The following TRPV4 variants were observed in gnomAD, a reference collection of about 807,000 sequenced individuals.
TRPV4 encodes transient receptor potential cation channel subfamily V member 4, also known as OSM9-like transient receptor potential channel 4.
In TRPV4, 58 loss-of-function variants were observed where a neutral mutation model predicts 84.1. The observed-to-expected ratio is 0.69, with a 90% CI of 0.56 to 0.86. The LOEUF (loss-of-function observed/expected upper bound fraction) is 0.86. Ranked by LOEUF, TRPV4 falls within the 40% of genes least tolerant of loss-of-function variation. TRPV4 has a pLI of 0.00. For synonymous variants in TRPV4, 489 were observed against 500.9 expected (o/e 0.98, Z 0.32); for missense variants, 879 against 1,181.1 (o/e 0.74, Z 3.75).
intron 1 of TRPV4, among the ~76,000 whole-genome samples, chr12:109,816,463 C>A (rs1446548207): frequency 1.3e-5 from 2 of 152,158 alleles, no homozygotes; most frequent in African/African-American, 4.8e-5. Flanking sequence ...TCAGATATAT[C>A]CAGTGCCACT....
At chr12:109,822,856 T>G (rs1476403694) in intron 1 of TRPV4, among the ~76,000 whole-genome samples, 2 of 152,216 alleles carry the variant, frequency 1.3e-5, no homozygotes, top group African/African-American at 4.8e-5. Flanking sequence ...CAGTGCCTGG[T>G]ACAGAGCATG....
At chr12:109,789,523 A>T (rs1412919092) in intron 12 of TRPV4, among the ~76,000 whole-genome samples, 1 of 152,144 alleles carries the variant, frequency 6.6e-6, no homozygotes, top group African/African-American at 2.4e-5. Flanking sequence ...GTGTTCTCTA[A>T]GGGGCCTCTC....
intron 12 of TRPV4, among the ~76,000 whole-genome samples, chr12:109,791,250 G>A (rs1890009881): frequency 6.6e-6 from 1 of 152,084 alleles, no homozygotes; most frequent in Admixed American, 6.5e-5. Context: ...ATGCGTGGTG[G>A]CACACGCCTG....
intron 12 of TRPV4, among the ~76,000 whole-genome samples, chr12:109,791,029 G>C (rs1889991411): frequency 6.6e-6 from 1 of 152,174 alleles, no homozygotes; most frequent in African/African-American, 2.4e-5. Flanking sequence ...GAGCCTGTAG[G>C]GATCAGCCAA....
Position 109,796,685 on chromosome 12 carries a change from C to T in TRPV4, c.1172G>A (p.Arg391Gln), listed in dbSNP as rs763578146. The T allele has an allele frequency of 5.6e-6, 9 of 1,612,782 alleles. No homozygotes were observed. The highest frequency in any genetic ancestry group is 5.3e-5 in the African/African-American group (4 of 74,892). The change falls in exon 7 of 16, where the codon CGG (arginine) becomes CAG (glutamine). Residue 391 changes from arginine to glutamine, a missense_variant. Arg to Gln is a conservative substitution (Grantham distance 43). Transcript: ENST00000261740. The surrounding 1 kb of genome is among the most constrained non-coding windows in gnomAD (Gnocchi z 4.2). The stretch of plus-strand genomic sequence containing the variant: ...TGTGTCCTCATCCGTCACCTCCCGC[C>T]GGATGATGTGCTGAAAGATCTGCAC... The part of the protein sequence containing the change: ...GKIGIFQHII[R>Q]REVTDEDTRH...
At chr12:109,806,201 C>T (rs962896213) in intron 3 of TRPV4, among the ~76,000 whole-genome samples, 2 of 146,602 alleles carry the variant, frequency 1.4e-5, no homozygotes, top group African/African-American at 5.0e-5. Flanking sequence ...ATTGTATTTT[C>T]TTTTTTTTTT....
chr12:109,791,573 C>G (rs959317466), intron 12 of TRPV4, among the ~76,000 whole-genome samples: 2 of 150,014 alleles, frequency 1.3e-5, no homozygotes, highest in Non-Finnish European at 3.0e-5. Flanking sequence ...ACCTCCACCC[C>G]CTGGGTTCAA....
intron 1 of TRPV4, among the ~76,000 whole-genome samples, chr12:109,828,720 C>T (rs1445915436): frequency 6.6e-6 from 1 of 152,186 alleles, no homozygotes; most frequent in Non-Finnish European, 1.5e-5. Context: ...CTGGGCTTTT[C>T]GTGGACCCAA....
intron 12 of TRPV4, 24 bp downstream of exon 12, chr12:109,792,339 A>G: frequency 6.2e-7 from 1 of 1,609,444 alleles, no homozygotes; most frequent in Non-Finnish European, 8.5e-7. Flanking sequence ...CCCTGCCAGG[A>G]CCACCTGAGC....
intron 4 of TRPV4, 102 bp downstream of exon 4, chr12:109,802,889 T>G (rs981519480): frequency 4.8e-6 from 6 of 1,246,180 alleles, no homozygotes; most frequent in African/African-American, 1.5e-5. Flanking sequence ...CCTGGGTACA[T>G]GCTGGCACTT....
At chr12:109,806,495 G>T (rs12301730) in intron 3 of TRPV4, among the ~76,000 whole-genome samples, 4 of 150,488 alleles carry the variant, frequency 2.7e-5, no homozygotes, top group African/African-American at 9.8e-5. Context: ...ATGAGCCACC[G>T]CACCCGGCCC....
At chr12:109,828,657 G>A (rs374942296) in intron 1 of TRPV4, among the ~76,000 whole-genome samples, 7 of 152,328 alleles carry the variant, frequency 4.6e-5, no homozygotes, top group African/African-American at 1.2e-4. Context: ...TGGCTCAGAC[G>A]CCAAGGTGGG....
At chr12:109,784,222 G>A (rs923986396) in intron 15 of TRPV4, 94 bp downstream of exon 15, 72 of 1,578,978 alleles carry the variant, frequency 4.6e-5, no homozygotes, top group Middle Eastern at 1.9e-4. Flanking sequence ...CTGTAGACAC[G>A]GACACTGAGT....
rs199712027 is a variant in TRPV4 at position 109,793,917 on chromosome 12, G to A, written c.1584+13C>T. 2.2e-4 allele frequency: 354 copies of A among 1,590,298 alleles called. 1 individual carries two copies. The highest frequency in any genetic ancestry group is 9.1e-4 in the South Asian group (80 of 88,242). On this transcript the variant is annotated intron_variant, in intron 9 of 15. Transcript: ENST00000261740. This position sits in a 1 kb window ranked among gnomAD's most constrained non-coding sequence, Gnocchi z 4.0. The stretch of plus-strand genomic sequence containing the variant: ...GGCAGGCAGGGTGGGGGGCACGGGG[G>A]CCAGGCACTTACGTTGGTGAAGAAG...
chr12:109,823,922 G>C (rs1362129456), intron 1 of TRPV4, among the ~76,000 whole-genome samples: 2 of 150,356 alleles, frequency 1.3e-5, no homozygotes, highest in East Asian at 2.0e-4. Flanking sequence ...ACACATAAAG[G>C]GTTTCTTTTT....
intron 3 of TRPV4, among the ~76,000 whole-genome samples, chr12:109,804,264 A>G (rs1890986640): frequency 2.0e-5 from 3 of 152,164 alleles, no homozygotes; most frequent in Admixed American, 6.5e-5. Context: ...ATATCTCAAA[A>G]GAGTAAGTTG....
chr12:109,814,260 G>T lies in TRPV4; in HGVS notation c.386+151C>A. On this transcript the variant is annotated intron_variant, in intron 2 of 15. Transcript: ENST00000261740. The surrounding 1 kb of genome is among the most constrained non-coding windows in gnomAD (Gnocchi z 5.4). ...TGATATATGGATAGGGAGATGAATAGATGGATGGATAGATGTATGGATGGT... is the reference window on the plus strand; with the variant it reads ...TGATATATGGATAGGGAGATGAATATATGGATGGATAGATGTATGGATGGT... 1 of 910,134 alleles carries T rather than the reference G, an allele frequency of 1.1e-6. No homozygotes were observed. Among genetic ancestry groups the T allele is most frequent in the Non-Finnish European group, 1.7e-6 (1 of 577,702 alleles). 56.4% of individuals were successfully genotyped at this position (910,134 alleles called of 1,614,324 possible).
intron 2 of TRPV4, among the ~76,000 whole-genome samples, chr12:109,810,957 C>T (rs569880203): frequency 6.6e-6 from 1 of 152,294 alleles, no homozygotes; most frequent in South Asian, 2.1e-4. Context: ...TTAGTTTCCA[C>T]CTCTGAGCAG....
Position 109,786,829 on chromosome 12 carries a change from G to C in TRPV4, c.2217C>G (p.Thr739=), listed in dbSNP as rs2136431717. 1 of 1,614,002 alleles carries C rather than the reference G, an allele frequency of 6.2e-7. No homozygotes were observed. Among genetic ancestry groups the C allele is most frequent in the Non-Finnish European group, 8.5e-7 (1 of 1,180,008 alleles). ...SKHIWKLQWA[T]TILDIERSFP... ...AGGAGCGCTCAATGTCCAGGATGGTGGTGGCCCACTGCGGGGAGGGAGGGT... is the reference window on the plus strand; with the variant it reads ...AGGAGCGCTCAATGTCCAGGATGGTCGTGGCCCACTGCGGGGAGGGAGGGT... Residue 739 remains threonine (T), a synonymous_variant, in exon 14 of 16, where the codon ACC becomes ACG. Coordinates refer to ENST00000261740, the MANE Select transcript of TRPV4 (RefSeq NM_021625.5). This position sits in a 1 kb window ranked among gnomAD's most constrained non-coding sequence, Gnocchi z 4.5.
Sources: gnomAD v4.1 joint callset for allele counts (sites outside exome capture counted in the v4.1 genomes callset) on GRCh38, gnomAD v4.1.1 for gene constraint, Gnocchi (gnomAD v3.1) non-coding constraint, MANE v1.5 for transcripts, NCBI Gene and HGNC (gene_info 2026-07-23, HGNC 2026-07-21) for gene names.